The following GRID1 variants were observed in gnomAD, a reference collection of about 807,000 sequenced individuals.
The protein encoded by GRID1 is glutamate receptor ionotropic, delta-1.
In GRID1, 28 loss-of-function variants were observed where a neutral mutation model predicts 98.0. That is an observed-to-expected ratio of 0.29 (90% confidence interval 0.21 to 0.39). The LOEUF (loss-of-function observed/expected upper bound fraction) is 0.39, where lower values mean the gene tolerates loss of function less well. Among genes scored for constraint, GRID1 ranks in the 10% least tolerant of loss-of-function variants. The pLI is 1.00. For missense variants in GRID1, 1,111 were observed against 1,340.5 expected, an observed-to-expected ratio of 0.83 and a Z score of 2.67; for synonymous variants, 553 against 538.5, an observed-to-expected ratio of 1.03 and a Z score of -0.37.
chr10:86,335,017 A>C (rs190952010), intron 2 of GRID1, among the ~76,000 whole-genome samples: 1 of 152,252 alleles, frequency 6.6e-6, no homozygotes. Context: ...AGATATGCCC[A>C]CCACCTAGCA....
chr10:86,279,747 T>C (rs1221409769), intron 2 of GRID1, among the ~76,000 whole-genome samples: 5 of 152,280 alleles, frequency 3.3e-5, no homozygotes, highest in Non-Finnish European at 2.9e-5. Context: ...TTTCCAGCCA[T>C]TGCAATAAAG....
At position 85,619,849 on chromosome 10, in the gene GRID1, C is replaced by T; in HGVS notation, c.2360+18G>A. 6.2e-7 allele frequency: 1 copy of T among 1,606,794 alleles called. No individual in the cohort carries two copies. The highest frequency in any genetic ancestry group is 8.5e-7 in the Non-Finnish European group (1 of 1,173,588). The stretch of plus-strand genomic sequence containing the variant: ...AGAGTCCTGAGGCAGCGGTAGTTAC[C>T]TTGCTGCCCAAGCCTACCTCTGGGA... On this transcript the variant is annotated intron_variant, in intron 14 of 15. Transcript: ENST00000327946.
At chr10:86,116,167 T>C (rs1163303084) in intron 4 of GRID1, among the ~76,000 whole-genome samples, 1 of 152,232 alleles carries the variant, frequency 6.6e-6, no homozygotes, top group Non-Finnish European at 1.5e-5. Flanking sequence ...CGTGACTGTA[T>C]GTCTTCTAAT....
chr10:86,137,485 A>C (rs35137160), intron 4 of GRID1, among the ~76,000 whole-genome samples: 29,903 of 152,202 alleles, frequency 0.2, 3,712 homozygotes, highest in African/African-American at 0.34. Flanking sequence ...AGAAGCAAGA[A>C]GGGAGGGGGC....
Position 85,996,429 on chromosome 10 carries a change from C to A in GRID1, c.727-80190G>T, listed in dbSNP as rs181200054. Among the ~76,000 whole-genome samples, 13 of 152,104 alleles carry A rather than the reference C, an allele frequency of 8.5e-5. No homozygotes were observed. The East Asian group carries it at 2.5e-3, about 29-fold the overall frequency. On this transcript the variant is annotated intron_variant, in intron 4 of 15. Coordinates refer to ENST00000327946, the MANE Select transcript of GRID1 (RefSeq NM_017551.3). ...AATGTTATGCTGAAGTATACAATAA[C>A]TAAAATTTAACAACAAAAAAAATTT...
chr10:86,145,722 T>C (rs1219579754), intron 3 of GRID1, among the ~76,000 whole-genome samples: 1 of 152,218 alleles, frequency 6.6e-6, no homozygotes, highest in Non-Finnish European at 1.5e-5. Context: ...ACAATATTAA[T>C]AACGTTAAAT....
intron 12 of GRID1, among the ~76,000 whole-genome samples, chr10:85,703,713 G>A (rs892315739): frequency 6.6e-6 from 1 of 152,006 alleles, no homozygotes; most frequent in African/African-American, 2.4e-5. Context: ...AATAATAATG[G>A]TAACAGAATG....
At chr10:85,828,463 C>A (rs1285035367) in intron 8 of GRID1, among the ~76,000 whole-genome samples, 1 of 151,654 alleles carries the variant, frequency 6.6e-6, no homozygotes, top group Non-Finnish European at 1.5e-5. Context: ...CTGAATGAAA[C>A]CGAGATGTGA....
intron 8 of GRID1, among the ~76,000 whole-genome samples, chr10:85,753,551 A>C (rs548904169): frequency 6.6e-6 from 1 of 152,312 alleles, no homozygotes; most frequent in East Asian, 1.9e-4. Flanking sequence ...GGTGACTGTA[A>C]CTCCAGCTGT....
chr10:85,798,904 T>A (rs1210635350), intron 8 of GRID1, among the ~76,000 whole-genome samples: 4 of 152,132 alleles, frequency 2.6e-5, no homozygotes, highest in Non-Finnish European at 5.9e-5. Flanking sequence ...TTTTTTGAGG[T>A]CTTACATAAA....
At chr10:86,068,827 T>G (rs550632772) in intron 4 of GRID1, among the ~76,000 whole-genome samples, 1 of 152,282 alleles carries the variant, frequency 6.6e-6, no homozygotes, top group South Asian at 2.1e-4. Flanking sequence ...TTTGTAGGTA[T>G]TAATTACTGT....
rs550710572 is a variant in GRID1 at position 85,702,498 on chromosome 10, AAAT to A, written c.1997+20502_1997+20504del. On this transcript the variant is annotated intron_variant, in intron 12 of 15. Coordinates refer to ENST00000327946, the MANE Select transcript of GRID1 (RefSeq NM_017551.3). ...AACAACATGCAAATAAATGGGATAT[AAAT>A]AATAAGGAAATATTTAATAGATGAC... is the stretch of plus-strand genomic sequence containing the variant. 8.5e-5 allele frequency among the ~76,000 whole-genome samples: 13 copies of A among 152,234 alleles called. No homozygotes were observed. In the South Asian group the frequency reaches 2.7e-3, roughly 32 times the overall value.
chr10:86,279,338 A>G (rs1470073018), intron 2 of GRID1, among the ~76,000 whole-genome samples: 1 of 152,242 alleles, frequency 6.6e-6, no homozygotes, highest in Non-Finnish European at 1.5e-5. Flanking sequence ...GCAGCCTTAT[A>G]AACGAAGATA....
In GRID1 at chr10:85,696,350, G is replaced by A. The variant is rs376101035; in HGVS notation, c.1997+26653C>T. ...ATTTAAATTAAGGTGTATCTAGGAA[G>A]GCCATTCTGAGGAGGTGACCTTTGA... On this transcript the variant is annotated intron_variant, in intron 12 of 15. Coordinates refer to ENST00000327946, the MANE Select transcript of GRID1 (RefSeq NM_017551.3). Among the ~76,000 whole-genome samples, 5 of 152,066 alleles carry A rather than the reference G, an allele frequency of 3.3e-5. No individual in the cohort carries two copies. In the East Asian group the frequency reaches 7.7e-4, roughly 24 times the overall value.
At chr10:85,841,465 AAAGCAAAAATTGAC>A (rs1311870447) in intron 8 of GRID1, among the ~76,000 whole-genome samples, 1 of 152,172 alleles carries the variant, frequency 6.6e-6, no homozygotes, top group Non-Finnish European at 1.5e-5. Context: ...AATTGCAACA[AAAGCAAAAATTGAC>A]AAATGGGATC....
At chr10:85,604,320 C>G (rs745853869) in intron 15 of GRID1, among the ~76,000 whole-genome samples, 1 of 152,182 alleles carries the variant, frequency 6.6e-6, no homozygotes, top group African/African-American at 2.4e-5. Flanking sequence ...ACCCATAGGA[C>G]AACTGACAAG....
At chr10:86,180,239 G>T (rs1396884900) in intron 3 of GRID1, among the ~76,000 whole-genome samples, 1 of 152,140 alleles carries the variant, frequency 6.6e-6, no homozygotes, top group Non-Finnish European at 1.5e-5. Context: ...CATGCCTGGG[G>T]CCCGCAGTGA....
intron 4 of GRID1, among the ~76,000 whole-genome samples, chr10:85,967,152 C>T (rs945000452): frequency 1.3e-5 from 2 of 152,178 alleles, no homozygotes; most frequent in African/African-American, 4.8e-5. Flanking sequence ...TGTGAGGCCT[C>T]CCCAGCCATG....
In GRID1 at chr10:86,166,698, C is replaced by T. The variant is rs1845404316; in HGVS notation, c.521-27674G>A. ...GCTGACACTTAAAATTTAGGTGGGACCAAATACTCCATCTCTGCTTTCTCA... is the reference window on the plus strand; with the variant it reads ...GCTGACACTTAAAATTTAGGTGGGATCAAATACTCCATCTCTGCTTTCTCA... On this transcript the variant is annotated intron_variant, in intron 3 of 15. Coordinates refer to ENST00000327946, the MANE Select transcript of GRID1 (RefSeq NM_017551.3). 2.0e-5 allele frequency among the ~76,000 whole-genome samples: 3 copies of T among 152,192 alleles called. No individual in the cohort carries two copies. The South Asian group carries it at 6.2e-4, about 32-fold the overall frequency.
Sources: allele counts gnomAD v4.1 joint callset (sites outside exome capture counted in the v4.1 genomes callset), GRCh38; gene constraint gnomAD v4.1.1; transcripts MANE v1.5; gene names NCBI Gene and HGNC (gene_info 2026-07-23, HGNC 2026-07-21).